Variants in ROR1 observed in about 807,000 individuals in gnomAD.
ROR1 encodes the protein ROR family WNT receptor 1, also known as inactive tyrosine-protein kinase transmembrane receptor ROR1.
In ROR1, 19 loss-of-function variants were observed where a neutral mutation model predicts 78.8. The observed-to-expected ratio is 0.24, with a 90% CI of 0.17 to 0.35. ROR1 has a LOEUF of 0.35. Among genes scored for constraint, ROR1 ranks in the 10% least tolerant of loss-of-function variants. The pLI is 1.00. For synonymous variants in ROR1, 386 were observed against 433.6 expected, an observed-to-expected ratio of 0.89 and a Z score of 1.36; for missense variants, 917 against 1,177.8, an observed-to-expected ratio of 0.78 and a Z score of 3.24.
At chr1:63,920,465 A>G (rs1346563024) in intron 1 of ROR1, among the ~76,000 whole-genome samples, 1 of 152,208 alleles carries the variant, frequency 6.6e-6, no homozygotes, top group East Asian at 1.9e-4. Context: ...AAGGCTCATT[A>G]ATGCTTAAGG....
intron 1 of ROR1, among the ~76,000 whole-genome samples, chr1:63,869,635 TG>T (rs1231036852): frequency 2.6e-5 from 4 of 152,258 alleles, no homozygotes; most frequent in African/African-American, 9.6e-5. Context: ...AGCTTTGTGG[TG>T]CTGGGTTATT....
chr1:63,979,157 A>G (rs1306869792), intron 1 of ROR1, among the ~76,000 whole-genome samples: 1 of 152,166 alleles, frequency 6.6e-6, no homozygotes, highest in Non-Finnish European at 1.5e-5. Flanking sequence ...GTCAAGAATA[A>G]TGTTTGACCA....
chr1:64,078,739 GA>G (rs1159866731), intron 4 of ROR1, among the ~76,000 whole-genome samples: 1 of 152,154 alleles, frequency 6.6e-6, no homozygotes, highest in East Asian at 1.9e-4. Context: ...ACACAGGTAA[GA>G]GGGGGCAGAA....
intron 1 of ROR1, among the ~76,000 whole-genome samples, chr1:64,007,030 GA>G (rs150220538): frequency 5.0e-4 from 74 of 147,930 alleles, no homozygotes; most frequent in African/African-American, 1.6e-3. Flanking sequence ...GAGGTAAGGT[GA>G]AAAAAAAAAG....
chr1:64,124,075 T>C (rs1411000744), intron 4 of ROR1, among the ~76,000 whole-genome samples: 2 of 152,332 alleles, frequency 1.3e-5, no homozygotes, highest in South Asian at 4.1e-4. Flanking sequence ...CTATGTCTAG[T>C]ATAATTCCAA....
intron 1 of ROR1, among the ~76,000 whole-genome samples, chr1:63,970,540 G>A (rs1646111188): frequency 1.3e-5 from 2 of 151,984 alleles, no homozygotes; most frequent in South Asian, 4.2e-4. Flanking sequence ...AACCTCTCTG[G>A]CAAACTCACA....
chr1:63,976,385 G>A (rs1570002628), intron 1 of ROR1, among the ~76,000 whole-genome samples: 1 of 152,172 alleles, frequency 6.6e-6, no homozygotes, highest in African/African-American at 2.4e-5. Context: ...AAGCATGAAA[G>A]TGGTGATTTC....
intron 1 of ROR1, among the ~76,000 whole-genome samples, chr1:63,881,735 T>C (rs1265381651): frequency 6.6e-6 from 1 of 152,166 alleles, no homozygotes; most frequent in Non-Finnish European, 1.5e-5. Context: ...TTGCTAGGCC[T>C]AGTGATACAA....
intron 4 of ROR1, among the ~76,000 whole-genome samples, chr1:64,124,486 A>G (rs1648646489): frequency 6.7e-6 from 1 of 150,164 alleles, no homozygotes; most frequent in Non-Finnish European, 1.5e-5. Flanking sequence ...TGCTCCTTCC[A>G]TGGGGAGCAT....
At chr1:64,112,549 A>C (rs919249951) in intron 4 of ROR1, among the ~76,000 whole-genome samples, 19 of 152,252 alleles carry the variant, frequency 1.2e-4, no homozygotes, top group African/African-American at 4.3e-4. Context: ...TGATACGCCC[A>C]GTGGTTTCTT....
At chr1:64,162,559 A>G (rs974962432) in intron 8 of ROR1, among the ~76,000 whole-genome samples, 2 of 152,178 alleles carry the variant, frequency 1.3e-5, no homozygotes, top group Non-Finnish European at 2.9e-5. Context: ...TCCCATGCCA[A>G]CTGCTCTGTG....
chr1:63,886,339 TG>T (rs1645357171), intron 1 of ROR1, among the ~76,000 whole-genome samples: 1 of 152,216 alleles, frequency 6.6e-6, no homozygotes, highest in East Asian at 1.9e-4. Flanking sequence ...CCATTTCATA[TG>T]GGCTGCATTC....
intron 4 of ROR1, among the ~76,000 whole-genome samples, chr1:64,124,610 C>G (rs1362779332): frequency 6.6e-6 from 1 of 152,136 alleles, no homozygotes. Flanking sequence ...TTCCAGACCT[C>G]TAGTAGCCCT....
At chr1:64,052,838 T>C (rs1055594470) in intron 4 of ROR1, among the ~76,000 whole-genome samples, 7 of 152,148 alleles carry the variant, frequency 4.6e-5, no homozygotes, top group African/African-American at 1.4e-4. Flanking sequence ...CTAGTTGGCA[T>C]TTTGGTACCT....
intron 4 of ROR1, among the ~76,000 whole-genome samples, chr1:64,054,857 T>C (rs952642946): frequency 1.3e-5 from 2 of 152,182 alleles, no homozygotes; most frequent in Non-Finnish European, 2.9e-5. Flanking sequence ...TTCTTTCTTA[T>C]GGCTATGAGG....
intron 4 of ROR1, among the ~76,000 whole-genome samples, chr1:64,073,302 A>G (rs1647022451): frequency 6.6e-6 from 1 of 151,534 alleles, no homozygotes; most frequent in Non-Finnish European, 1.5e-5. Flanking sequence ...AGATCCAACT[A>G]CTCCTCTGTG....
At chr1:64,033,422 G>C (rs886077367) in intron 2 of ROR1, among the ~76,000 whole-genome samples, 2 of 152,148 alleles carry the variant, frequency 1.3e-5, no homozygotes, top group Non-Finnish European at 2.9e-5. Flanking sequence ...AGTGGTACTA[G>C]AACCCAGGAC....
At chr1:64,050,420 GA>G (rs1279620129) in intron 3 of ROR1, among the ~76,000 whole-genome samples, 1 of 152,030 alleles carries the variant, frequency 6.6e-6, no homozygotes, top group East Asian at 1.9e-4. Context: ...ATAGTTTGAA[GA>G]TGCTTACTCG....
At chr1:63,943,351 C>A (rs1464182166) in intron 1 of ROR1, among the ~76,000 whole-genome samples, 1 of 152,144 alleles carries the variant, frequency 6.6e-6, no homozygotes, top group African/African-American at 2.4e-5. Flanking sequence ...TAAACCTCAG[C>A]CCAGGCACCG....
Sources: allele counts gnomAD v4.1 joint callset (sites outside exome capture counted in the v4.1 genomes callset), GRCh38; gene constraint gnomAD v4.1.1; transcripts MANE v1.5; gene names NCBI Gene and HGNC (gene_info 2026-07-23, HGNC 2026-07-21).